The following FCHSD2 variants were observed in gnomAD, a reference collection of about 807,000 sequenced individuals.
FCHSD2 encodes the protein F-BAR and double SH3 domains protein 2.
In FCHSD2, 38 loss-of-function variants were observed where a neutral mutation model predicts 108.1. That is an observed-to-expected ratio of 0.35 (90% confidence interval 0.27 to 0.46). The LOEUF is 0.46. Ranked by LOEUF, FCHSD2 falls within the 20% of genes least tolerant of loss-of-function variation. The pLI is 1.00. For synonymous variants in FCHSD2, 279 were observed against 314.7 expected (o/e 0.89, Z 1.20); for missense variants, 751 against 897.8 (o/e 0.84, Z 2.09).
Position 72,849,648 on chromosome 11 carries a change from A to G in FCHSD2, c.1443+107T>C, listed in dbSNP as rs943230354. On this transcript the variant is annotated intron_variant, in intron 14 of 19. Coordinates refer to ENST00000409418, the MANE Select transcript of FCHSD2 (RefSeq NM_014824.3). ...TGTTATGTTGCCCCAATATTAACCT[A>G]ATAACAATTTTATGCTAAGTACAGC... 4 of 874,722 alleles carry G rather than the reference A, an allele frequency of 4.6e-6. No individual in the cohort carries two copies. In the Admixed American group the frequency reaches 9.2e-5, roughly 20 times the overall value. The allele number at this position is 874,722 out of a possible 1,614,324, so 54.2% of individuals were successfully genotyped here.
chr11:73,096,590 C>G (rs1349698435), intron 2 of FCHSD2, among the ~76,000 whole-genome samples: 1 of 151,852 alleles, frequency 6.6e-6, no homozygotes, highest in African/African-American at 2.4e-5. Context: ...AAAGCATATA[C>G]CACTTCCAGA....
intron 8 of FCHSD2, among the ~76,000 whole-genome samples, chr11:72,954,196 ATTTTTTTTTT>A (rs57517075): frequency 9.0e-6 from 1 of 111,702 alleles, no homozygotes; most frequent in Non-Finnish European, 1.8e-5. Context: ...AGATGTGGGG[ATTTTTTTTTT>A]TTTTTTTTTT....
intron 13 of FCHSD2, among the ~76,000 whole-genome samples, chr11:72,860,510 A>C (rs1861541594): frequency 6.6e-6 from 1 of 152,218 alleles, no homozygotes; most frequent in African/African-American, 2.4e-5. Flanking sequence ...AAATTCAGTA[A>C]CACACTTTTA....
chr11:72,982,776 G>A (rs1454761463), intron 8 of FCHSD2, among the ~76,000 whole-genome samples: 3 of 152,134 alleles, frequency 2.0e-5, no homozygotes, highest in South Asian at 2.1e-4. Context: ...TGTCCCGTAC[G>A]CAGCTCAAAA....
intron 3 of FCHSD2, among the ~76,000 whole-genome samples, chr11:73,038,047 A>G (rs1858541745): frequency 6.6e-6 from 1 of 152,240 alleles, no homozygotes; most frequent in East Asian, 1.9e-4. Flanking sequence ...GCTAGATGCT[A>G]AAATAGTTTT....
intron 13 of FCHSD2, among the ~76,000 whole-genome samples, chr11:72,862,027 T>C (rs1253186245): frequency 6.6e-6 from 1 of 151,810 alleles, no homozygotes; most frequent in African/African-American, 2.4e-5. Flanking sequence ...TCAATGCAAT[T>C]ACACCATATT....
intron 3 of FCHSD2, among the ~76,000 whole-genome samples, chr11:73,067,983 C>T (rs1453445522): frequency 2.0e-5 from 3 of 152,092 alleles, no homozygotes; most frequent in African/African-American, 7.2e-5. Context: ...TACATGGTGA[C>T]AGACACGAGA....
intron 18 of FCHSD2, 56 bp from the exon 19 acceptor site, chr11:72,841,015 G>T: frequency 7.6e-7 from 1 of 1,317,572 alleles, no homozygotes; most frequent in Non-Finnish European, 1.1e-6. Context: ...CAATAATGCT[G>T]ATGCAAGGCT....
At chr11:72,972,353 T>C (rs1332198607) in intron 8 of FCHSD2, among the ~76,000 whole-genome samples, 1 of 152,152 alleles carries the variant, frequency 6.6e-6, no homozygotes, top group Non-Finnish European at 1.5e-5. Flanking sequence ...TATAAGAAAT[T>C]TGGTAGTTGG....
intron 12 of FCHSD2, among the ~76,000 whole-genome samples, chr11:72,870,252 A>T (rs556471418): frequency 5.9e-5 from 9 of 152,148 alleles, no homozygotes; most frequent in Non-Finnish European, 1.2e-4. Context: ...CTCTATATAG[A>T]TCTAATTACA....
At chr11:72,844,679 T>C (rs1282254837) in intron 14 of FCHSD2, among the ~76,000 whole-genome samples, 1 of 152,116 alleles carries the variant, frequency 6.6e-6, no homozygotes, top group Admixed American at 6.6e-5. Flanking sequence ...TCTTAAAAGC[T>C]TTCCCCAAGT....
intron 2 of FCHSD2, among the ~76,000 whole-genome samples, chr11:73,113,462 G>A (rs1860538197): frequency 6.8e-6 from 1 of 147,330 alleles, no homozygotes; most frequent in Non-Finnish European, 1.5e-5. Context: ...TCTGCATCCT[G>A]GGCTTAAGTG....
At chr11:72,909,471 G>T (rs1292851215) in intron 9 of FCHSD2, among the ~76,000 whole-genome samples, 2 of 152,204 alleles carry the variant, frequency 1.3e-5, no homozygotes, top group Non-Finnish European at 2.9e-5. Context: ...TCTAGGAAGT[G>T]AGGAGCGTCT....
intron 3 of FCHSD2, among the ~76,000 whole-genome samples, chr11:73,021,925 T>A (rs1156660950): frequency 6.6e-6 from 1 of 151,688 alleles, no homozygotes; most frequent in Non-Finnish European, 1.5e-5. Context: ...AAAAAAAATT[T>A]TCCAGGCCTG....
intron 8 of FCHSD2, among the ~76,000 whole-genome samples, chr11:72,981,398 A>C (rs1176974475): frequency 1.3e-5 from 2 of 152,134 alleles, no homozygotes; most frequent in African/African-American, 4.8e-5. Context: ...AGATCCCCCA[A>C]ATAAGAATGT....
Position 73,025,356 on chromosome 11 carries a change from G to A in FCHSD2, c.166-9471C>T, listed in dbSNP as rs962809263. Among the ~76,000 whole-genome samples, 7 of 152,234 alleles carry A rather than the reference G, an allele frequency of 4.6e-5. No individual in the cohort carries two copies. The South Asian group carries it at 1.0e-3, about 23-fold the overall frequency. ...CTTCTGCAGGAACATGGATGGAGCT[G>A]GAGGCCATTATCCTTTGCAAACGAA... On this transcript the variant is annotated intron_variant, in intron 3 of 19. Transcript: ENST00000409418.
At chr11:72,912,934 C>G (rs1855792707) in intron 9 of FCHSD2, among the ~76,000 whole-genome samples, 1 of 152,114 alleles carries the variant, frequency 6.6e-6, no homozygotes, top group African/African-American at 2.4e-5. Context: ...GTTTAATTGA[C>G]CCATGGTTCT....
intron 3 of FCHSD2, among the ~76,000 whole-genome samples, chr11:73,073,041 A>C: frequency 6.6e-6 from 1 of 152,170 alleles, no homozygotes; most frequent in East Asian, 1.9e-4. Context: ...CAGCCACAGT[A>C]ACCTTCTGTA....
Position 73,090,460 on chromosome 11 carries a change from C to T in FCHSD2, c.120-6720G>A, listed in dbSNP as rs1447443431. 2.0e-5 allele frequency among the ~76,000 whole-genome samples: 3 copies of T among 151,990 alleles called. No individual in the cohort carries two copies. The East Asian group carries it at 5.8e-4, about 29-fold the overall frequency. On this transcript the variant is annotated intron_variant, in intron 2 of 19. Coordinates refer to ENST00000409418, the MANE Select transcript of FCHSD2 (RefSeq NM_014824.3). ...CGGGATGGTCTCGATCTGCTGACCT[C>T]GTGATCCGCCCGCCTCGGCCTCCCA...
Sources: gnomAD v4.1 joint callset for allele counts (sites outside exome capture counted in the v4.1 genomes callset) on GRCh38, gnomAD v4.1.1 for gene constraint, MANE v1.5 for transcripts, NCBI Gene and HGNC (gene_info 2026-07-23, HGNC 2026-07-21) for gene names.